The following ASAP2 variants were observed in gnomAD, a reference collection of about 807,000 sequenced individuals.
The protein encoded by ASAP2 is arf-GAP with SH3 domain, ANK repeat and PH domain-containing protein 2.
ASAP2 carries 45 observed loss-of-function variants against 131.4 expected under a neutral mutation model. The observed-to-expected ratio is 0.34, with a 90% CI of 0.27 to 0.44. The LOEUF is 0.44. Ranked by LOEUF, ASAP2 falls within the 20% of genes least tolerant of loss-of-function variation. The pLI, the probability that ASAP2 is intolerant of heterozygous loss-of-function variation, is 1.00. For synonymous variants in ASAP2, 510 were observed against 503.0 expected (o/e 1.01, Z -0.19); for missense variants, 1,011 against 1,297.0 (o/e 0.78, Z 3.39).
At chr2:9,327,488 G>A (rs1256888127) in intron 6 of ASAP2, among the ~76,000 whole-genome samples, 1 of 152,134 alleles carries the variant, frequency 6.6e-6, no homozygotes, top group Non-Finnish European at 1.5e-5. Context: ...CCTTGGGCAG[G>A]AGTGTGTTTG....
chr2:9,395,594 C>CTTTTTTTTTTTTTTTTTTTTT lies in ASAP2; in HGVS notation c.2684+1958_2684+1978dup. Among the ~76,000 whole-genome samples the CTTTTTTTTTTTTTTTTTTTTT allele has an allele frequency of 1.2e-4, 7 of 59,052 alleles. 1 individual carries two copies. The highest frequency in any genetic ancestry group is 2.3e-4 in the Admixed American group (1 of 4,360). The allele number at this position is 59,052 out of a possible 152,430, so 38.7% of individuals were successfully genotyped here. ...GTTTTGTTTTTCTTGTGTTTTTTTTCTTTTTTTTTTTTTTTTTTTTTTTTT... is the reference window on the plus strand; with the variant it reads ...GTTTTGTTTTTCTTGTGTTTTTTTTCTTTTTTTTTTTTTTTTTTTTTTTTTTTTTTTTTTTTTTTTTTTTTT... On this transcript the variant is annotated intron_variant, in intron 24 of 27. Coordinates refer to ENST00000281419, the MANE Select transcript of ASAP2 (RefSeq NM_003887.3).
intron 1 of ASAP2, among the ~76,000 whole-genome samples, chr2:9,248,632 G>A (rs1185281480): frequency 6.6e-6 from 1 of 152,028 alleles, no homozygotes; most frequent in Non-Finnish European, 1.5e-5. Context: ...TGACGGTGAG[G>A]TCTTAGATAC....
At chr2:9,375,152 T>G (rs1238490486) in intron 17 of ASAP2, among the ~76,000 whole-genome samples, 2 of 149,404 alleles carry the variant, frequency 1.3e-5, no homozygotes, top group African/African-American at 4.9e-5. Flanking sequence ...CATGGTGGTG[T>G]ACATTTGTAG....
At chr2:9,353,080 A>G (rs1035055365) in intron 12 of ASAP2, among the ~76,000 whole-genome samples, 2 of 152,188 alleles carry the variant, frequency 1.3e-5, no homozygotes, top group Admixed American at 6.5e-5. Context: ...GAGTCATCAC[A>G]GGAAACCTGG....
intron 3 of ASAP2, among the ~76,000 whole-genome samples, chr2:9,312,857 C>A (rs1232407955): frequency 6.6e-6 from 1 of 152,176 alleles, no homozygotes; most frequent in East Asian, 1.9e-4. Context: ...GCTGTCCTTG[C>A]AGCCTGGCCA....
rs142852307 is a variant in ASAP2, at chr2:9,385,029, T to C, written c.2017-216T>C. 1.7e-3 allele frequency among the ~76,000 whole-genome samples: 264 copies of C among 152,322 alleles called. 1 individual carries two copies. The highest frequency in any genetic ancestry group is 4.4e-3 in the South Asian group (21 of 4,824). On this transcript the variant is annotated intron_variant, in intron 20 of 27. Coordinates refer to ENST00000281419, the MANE Select transcript of ASAP2 (RefSeq NM_003887.3). ...GCCGGGAACTGTGGATGAAAACTAA[T>C]ACAGTTTACAAAGCCTTTGCTGGGA...
chr2:9,371,004 G>A (rs930773169), intron 16 of ASAP2, among the ~76,000 whole-genome samples: 2 of 152,172 alleles, frequency 1.3e-5, no homozygotes, highest in East Asian at 1.9e-4. Context: ...AGTGTGTGTC[G>A]TTTCTTCCAA....
intron 1 of ASAP2, among the ~76,000 whole-genome samples, chr2:9,251,851 T>C (rs2709562): frequency 0.33 from 50,386 of 151,414 alleles, 10,123 homozygotes; most frequent in African/African-American, 0.57. Flanking sequence ...CAGTGATGGA[T>C]GGAGCAGAGA....
chr2:9,334,712 T>C lies in ASAP2; in HGVS notation c.687-26T>C, dbSNP rs1367042233. On this transcript the variant is annotated intron_variant, in intron 7 of 27. Coordinates refer to ENST00000281419, the MANE Select transcript of ASAP2 (RefSeq NM_003887.3). ...TTATTTTTTCCTTTGTGAAATGTCA[T>C]CTCTGTTTCTTCTTTTTCCTGCTAG... The C allele has an allele frequency of 2.5e-6, 4 of 1,599,932 alleles. No individual in the cohort carries two copies. In the South Asian group the frequency reaches 4.5e-5, roughly 18 times the overall value.
rs1667120970 is a variant in ASAP2, at chr2:9,281,401, A to T, written c.199+2012A>T. ...TATAAACAGCCCTGCATTTGAAGGG[A>T]GAAGGCGCTAGTGCTTCGGTGTCAG... On this transcript the variant is annotated intron_variant, in intron 2 of 27. Transcript: ENST00000281419. The surrounding 1 kb of genome is among the most constrained non-coding windows in gnomAD (Gnocchi z 4.0). 6.6e-6 allele frequency among the ~76,000 whole-genome samples: 1 copy of T among 152,162 alleles called. No homozygotes were observed. Among genetic ancestry groups the T allele is most frequent in the Non-Finnish European group, 1.5e-5 (1 of 68,034 alleles).
chr2:9,312,310 C>G (rs13398941), intron 3 of ASAP2, among the ~76,000 whole-genome samples: 2 of 151,994 alleles, frequency 1.3e-5, no homozygotes, highest in Non-Finnish European at 2.9e-5. Context: ...AGAGAAAAAC[C>G]GTGAATGAAA....
chr2:9,259,991 C>T (rs896057352), intron 1 of ASAP2, among the ~76,000 whole-genome samples: 1 of 151,990 alleles, frequency 6.6e-6, no homozygotes, highest in African/African-American at 2.4e-5. Context: ...ATCTGGGAAA[C>T]TCTGTGGTTG....
intron 1 of ASAP2, among the ~76,000 whole-genome samples, chr2:9,245,267 C>T (rs558820722): frequency 6.6e-6 from 1 of 152,276 alleles, no homozygotes; most frequent in African/African-American, 2.4e-5. Flanking sequence ...GTTGGTGTGA[C>T]TATCGAATTG....
intron 19 of ASAP2, 54 bp from the exon 20 acceptor site, chr2:9,380,687 A>T: frequency 2.6e-6 from 4 of 1,531,038 alleles, no homozygotes; most frequent in Non-Finnish European, 1.8e-6. Context: ...CCTGGATGTC[A>T]GGCCTTTGCT....
chr2:9,405,037 A>C lies in ASAP2; in HGVS notation c.*1710A>C, dbSNP rs1289974736. 6.6e-6 allele frequency: 1 copy of C among 152,556 alleles called. No homozygotes were observed. The highest frequency in any genetic ancestry group is 1.5e-5 in the Non-Finnish European group (1 of 68,026). 9.5% of individuals were successfully genotyped at this position (152,556 alleles called of 1,614,324 possible). ...CAATCCTCCTGCATCTGTATTTTATAGTCAGCCTTTTGACCACCTGGTGCC... is the reference window on the plus strand; with the variant it reads ...CAATCCTCCTGCATCTGTATTTTATCGTCAGCCTTTTGACCACCTGGTGCC... On this transcript the variant is annotated 3_prime_UTR_variant, in exon 28 of 28. Transcript: ENST00000281419.
chr2:9,258,664 C>CA (rs113018258), intron 1 of ASAP2, among the ~76,000 whole-genome samples: 2 of 152,248 alleles, frequency 1.3e-5, no homozygotes, highest in African/African-American at 4.8e-5. Flanking sequence ...CTTGAGCAGG[C>CA]GAAACCCCCG....
chr2:9,245,388 G>T (rs543860955), intron 1 of ASAP2, among the ~76,000 whole-genome samples: 1 of 152,258 alleles, frequency 6.6e-6, no homozygotes, highest in Non-Finnish European at 1.5e-5. Flanking sequence ...CCACTTCTTC[G>T]GCTCTGTGCT....
At chr2:9,351,687 T>C (rs1420581018) in intron 12 of ASAP2, among the ~76,000 whole-genome samples, 1 of 152,196 alleles carries the variant, frequency 6.6e-6, no homozygotes, top group Non-Finnish European at 1.5e-5. Flanking sequence ...GAGTGGGAGA[T>C]GGCTACCTTT....
chr2:9,364,320 C>A (rs1448043464), intron 15 of ASAP2, among the ~76,000 whole-genome samples: 1 of 151,956 alleles, frequency 6.6e-6, no homozygotes, highest in Non-Finnish European at 1.5e-5. Context: ...CCAACCTGGG[C>A]CACATGGCAA....
Sources: gnomAD v4.1 joint callset for allele counts (sites outside exome capture counted in the v4.1 genomes callset) on GRCh38, gnomAD v4.1.1 for gene constraint, Gnocchi (gnomAD v3.1) non-coding constraint, MANE v1.5 for transcripts, NCBI Gene and HGNC (gene_info 2026-07-23, HGNC 2026-07-21) for gene names.